The following POLA1 variants were observed in gnomAD, a reference collection of about 807,000 sequenced individuals.
The protein encoded by POLA1 is DNA polymerase alpha catalytic subunit.
Under a neutral mutation model 124.0 loss-of-function variants are expected in POLA1, and 15 were observed. The ratio of observed to expected loss-of-function variants is 0.12; its 90% confidence interval spans 0.08 to 0.19. The LOEUF (loss-of-function observed/expected upper bound fraction) is 0.19. POLA1 is among the 10% of genes least tolerant of loss of function. The pLI is 1.00. For synonymous variants in POLA1, 408 were observed against 389.4 expected (o/e 1.05, Z -0.56); for missense variants, 886 against 1,103.4 (o/e 0.80, Z 2.79).
At chrX:24,882,364 C>G (rs1263290244) in intron 34 of POLA1, among the ~76,000 whole-genome samples, 1 of 111,171 alleles carries the variant, frequency 9.0e-6, no homozygotes, top group East Asian at 2.8e-4. Context: ...GGCACACGTG[C>G]AGGTTTGTTA....
At chrX:24,765,283 GT>G (rs1203747868) in intron 26 of POLA1, among the ~76,000 whole-genome samples, 6 of 101,826 alleles carry the variant, frequency 5.9e-5, no homozygotes, top group Non-Finnish European at 9.9e-5. Context: ...TGTGCGTGGT[GT>G]TTTTTTTGTT....
At chrX:24,878,017 G>A (rs1329501016) in intron 34 of POLA1, among the ~76,000 whole-genome samples, 5 of 108,209 alleles carry the variant, frequency 4.6e-5, no homozygotes, top group Non-Finnish European at 7.7e-5. Context: ...ACCTTAACAA[G>A]TTTGTGGGTT....
intron 34 of POLA1, among the ~76,000 whole-genome samples, chrX:24,883,746 T>C (rs2047031158): frequency 8.9e-6 from 1 of 112,298 alleles, no homozygotes; most frequent in African/African-American, 3.2e-5. Context: ...ATTGACCTTA[T>C]TGCTATTGGT....
At chrX:24,701,434 C>G (rs1163434380) in intron 2 of POLA1, among the ~76,000 whole-genome samples, 3 of 93,200 alleles carry the variant, frequency 3.2e-5, no homozygotes, top group Non-Finnish European at 6.5e-5. Flanking sequence ...AGGTAGAACT[C>G]TTTTTTTTTT....
At chrX:24,905,465 C>T (rs2047351002) in intron 35 of POLA1, among the ~76,000 whole-genome samples, 1 of 106,832 alleles carries the variant, frequency 9.4e-6, no homozygotes, top group Non-Finnish European at 1.9e-5. Context: ...CAAAAAGATG[C>T]CAATGCTGAG....
chrX:24,731,361 C>T (rs764389831), intron 15 of POLA1, among the ~76,000 whole-genome samples: 1 of 111,742 alleles, frequency 8.9e-6, no homozygotes, highest in South Asian at 3.8e-4. Context: ...ACATATCAGC[C>T]ATTACAAAGT....
Position 24,738,233 on chromosome X carries a change from A to AAG in POLA1, c.2040+493_2040+494insGA, listed in dbSNP as rs1166047083. On this transcript the variant is annotated intron_variant, in intron 19 of 36. Transcript: ENST00000379068. ...AGACTCCGTCTCAAAAAAAAAAAAAAAAAAAAAAAAAAAGCCTCTGGTAGT... is the reference window on the plus strand; with the variant it reads ...AGACTCCGTCTCAAAAAAAAAAAAAAAGAAAAAAAAAAAAAGCCTCTGGTAGT... Among the ~76,000 whole-genome samples the AAG allele has an allele frequency of 8.3e-5, 8 of 96,426 alleles. 1 individual carries two copies. Among genetic ancestry groups the AAG allele is most frequent in the African/African-American group, 4.1e-4 (8 of 19,366 alleles). The allele number at this position is 96,426 out of a possible 115,157, so 83.7% of individuals were successfully genotyped here.
At chrX:24,988,813 A>G (rs1601936104) in intron 36 of POLA1, among the ~76,000 whole-genome samples, 1 of 111,190 alleles carries the variant, frequency 9.0e-6, no homozygotes, top group East Asian at 2.8e-4. Flanking sequence ...TAAAAATACA[A>G]AAATTAGCCA....
In POLA1 at chrX:24,934,999, G is replaced by A. The variant is rs762719378; in HGVS notation, c.4261+4450G>A. Reference sequence around the variant, plus strand: ...GCCTCCCAAAGTGCTGGGATTACAGGCATGAGCCACCACACCCGGCCAGGT... The same window carrying A: ...GCCTCCCAAAGTGCTGGGATTACAGACATGAGCCACCACACCCGGCCAGGT... On this transcript the variant is annotated intron_variant, in intron 36 of 36. Transcript: ENST00000379068. Among the ~76,000 whole-genome samples, 4 of 111,787 alleles carry A rather than the reference G, an allele frequency of 3.6e-5. No homozygotes were observed. In the South Asian group the frequency reaches 1.5e-3, roughly 42 times the overall value.
Position 24,854,666 on chromosome X carries a change from T to G in POLA1, c.4047+10989T>G, listed in dbSNP as rs780430488. On this transcript the variant is annotated intron_variant, in intron 34 of 36. Transcript: ENST00000379068. Reference sequence around the variant, plus strand: ...CCAACATGGCGAAACCTGTCTCTACTAAAAATATAAAAATTAGCCTGGCGT... The same window carrying G: ...CCAACATGGCGAAACCTGTCTCTACGAAAAATATAAAAATTAGCCTGGCGT... 1.3e-4 allele frequency among the ~76,000 whole-genome samples: 14 copies of G among 110,135 alleles called. No homozygotes were observed. In the East Asian group the frequency reaches 4.0e-3, roughly 32 times the overall value.
chrX:24,904,530 G>A (rs1440635588), intron 35 of POLA1, among the ~76,000 whole-genome samples: 1 of 110,307 alleles, frequency 9.1e-6, no homozygotes. Context: ...CTCCAAGGAA[G>A]GGAAATCTCT....
intron 35 of POLA1, among the ~76,000 whole-genome samples, chrX:24,902,022 ACACG>A (rs1373559741): frequency 9.0e-6 from 1 of 111,335 alleles, no homozygotes; most frequent in African/African-American, 3.3e-5. Flanking sequence ...ACACACACAC[ACACG>A]CACACCCCTG....
chrX:24,868,092 G>T (rs2147108505), intron 34 of POLA1, among the ~76,000 whole-genome samples: 1 of 111,855 alleles, frequency 8.9e-6, no homozygotes, highest in Admixed American at 9.5e-5. Flanking sequence ...CCCTTAGGTT[G>T]CATTGAGTAA....
chrX:24,861,879 A>G lies in POLA1; in HGVS notation c.4047+18202A>G, dbSNP rs904010936. Among the ~76,000 whole-genome samples, 9 of 112,384 alleles carry G rather than the reference A, an allele frequency of 8.0e-5. No individual in the cohort carries two copies. In the East Asian group the frequency reaches 2.5e-3, roughly 31 times the overall value. ...GTGCTAAATGTCTGTAGTAAAAAGT[A>G]TATAAATATATACTTGCATCTTTAT... On this transcript the variant is annotated intron_variant, in intron 34 of 36. Transcript: ENST00000379068.
chrX:24,905,778 G>A (rs1181047451), intron 35 of POLA1, among the ~76,000 whole-genome samples: 1 of 111,355 alleles, frequency 9.0e-6, no homozygotes, highest in Admixed American at 9.5e-5. Flanking sequence ...GACCAGGCTG[G>A]TCTCAAATTC....
At chrX:24,964,626 G>T (rs761186541) in intron 36 of POLA1, among the ~76,000 whole-genome samples, 2 of 112,431 alleles carry the variant, frequency 1.8e-5, no homozygotes, top group Non-Finnish European at 3.8e-5. Context: ...TATTTTGAAA[G>T]GCACTTGACA....
intron 36 of POLA1, among the ~76,000 whole-genome samples, chrX:24,971,738 G>A (rs761785053): frequency 6.3e-5 from 7 of 111,168 alleles, no homozygotes; most frequent in South Asian, 3.8e-4. Flanking sequence ...ACTAACCATG[G>A]AAGCACTATC....
intron 11 of POLA1, among the ~76,000 whole-genome samples, 158 bp downstream of exon 11, chrX:24,723,425 A>G: frequency 8.9e-6 from 1 of 112,129 alleles, no homozygotes; most frequent in East Asian, 2.8e-4. Context: ...ATTGTCAGCA[A>G]TTCTATTAGA....
chrX:24,921,892 T>TTGTGTGTGTGTG (rs755172411), intron 35 of POLA1, among the ~76,000 whole-genome samples: 33 of 105,730 alleles, frequency 3.1e-4, no homozygotes, highest in African/African-American at 1.2e-3. Context: ...GTTTTGCCTT[T>TTGTGTGTGTGTG]TGTGTGTGTG....
Sources: allele counts gnomAD v4.1 joint callset (sites outside exome capture counted in the v4.1 genomes callset), GRCh38; gene constraint gnomAD v4.1.1; transcripts MANE v1.5; gene names NCBI Gene and HGNC (gene_info 2026-07-23, HGNC 2026-07-21).